RPS6KC1: variants seen among roughly 807,000 people sequenced by gnomAD.
RPS6KC1 encodes inactive ribosomal protein S6 kinase delta-1.
RPS6KC1 carries 54 observed loss-of-function variants against 103.8 expected under a neutral mutation model. The ratio of observed to expected loss-of-function variants is 0.52; its 90% CI spans 0.42 to 0.65. RPS6KC1 has a LOEUF of 0.65. Among genes scored for constraint, RPS6KC1 ranks in the 30% least tolerant of loss-of-function variants. The pLI, the probability that RPS6KC1 is intolerant of heterozygous loss-of-function variation, is 0.00. For missense variants in RPS6KC1, 1,151 were observed against 1,253.8 expected (o/e 0.92, Z 1.24); for synonymous variants, 439 against 438.7 (o/e 1.00, Z -0.01).
chr1:213,496,187 A>G, the RPS6KC1 span, among the ~76,000 whole-genome samples: 5,201 of 152,314 alleles, frequency 0.034, 159 homozygotes, highest in Admixed American at 0.085. Flanking sequence ...ATAAGAAAAC[A>G]AAAGAAAAAG....
the RPS6KC1 span, among the ~76,000 whole-genome samples, chr1:213,375,912 C>T: frequency 2.0e-5 from 3 of 152,244 alleles, no homozygotes; most frequent in African/African-American, 7.2e-5. Context: ...AACTACTAGG[C>T]ATGCTGTCCT....
the RPS6KC1 span, among the ~76,000 whole-genome samples, chr1:213,648,370 C>A: frequency 1.3e-5 from 2 of 152,166 alleles, no homozygotes; most frequent in Non-Finnish European, 2.9e-5. Flanking sequence ...CTAGACCAAC[C>A]ACAGAATCAG....
At chr1:213,117,839 G>A (rs569772615) in intron 5 of RPS6KC1, among the ~76,000 whole-genome samples, 4 of 151,140 alleles carry the variant, frequency 2.6e-5, no homozygotes, top group East Asian at 1.9e-4. Context: ...CCGAGCCAAC[G>A]TGGTGAAACC....
At chr1:213,143,823 C>CTT (rs540171345) in intron 6 of RPS6KC1, among the ~76,000 whole-genome samples, 5 of 136,030 alleles carry the variant, frequency 3.7e-5, no homozygotes, top group South Asian at 4.7e-4. Context: ...TGAGCAGCAC[C>CTT]TTTTTTTTTT....
the RPS6KC1 span, among the ~76,000 whole-genome samples, chr1:213,383,299 C>T: frequency 6.6e-6 from 1 of 152,326 alleles, no homozygotes; most frequent in African/African-American, 2.4e-5. Flanking sequence ...TCCTGAAAGT[C>T]TGAGGTGAGA....
chr1:213,360,746 T>C, the RPS6KC1 span, among the ~76,000 whole-genome samples: 1 of 152,244 alleles, frequency 6.6e-6, no homozygotes, highest in Non-Finnish European at 1.5e-5. Flanking sequence ...GGTGTCGATG[T>C]CCTTTCTGTT....
the RPS6KC1 span, among the ~76,000 whole-genome samples, chr1:213,554,832 C>T: frequency 6.6e-6 from 1 of 152,162 alleles, no homozygotes; most frequent in Non-Finnish European, 1.5e-5. Flanking sequence ...TAGAGTCTAT[C>T]TTTTAATACT....
At chr1:213,278,799 AAGG>A (rs61195209), downstream of RPS6KC1, among the ~76,000 whole-genome samples, 373 of 152,356 alleles carry the variant, frequency 2.4e-3, 1 homozygote, top group Middle Eastern at 0.02. Flanking sequence ...TGAGCATACA[AAGG>A]AGAGATCTGA....
At chr1:213,438,792 CTTTTTT>C in the RPS6KC1 span, among the ~76,000 whole-genome samples, 3 of 129,730 alleles carry the variant, frequency 2.3e-5, no homozygotes, top group African/African-American at 5.6e-5. Context: ...ATCTTGGTTT[CTTTTTT>C]TTTTTTTTTT....
chr1:213,566,531 CTGGG>C, the RPS6KC1 span, among the ~76,000 whole-genome samples: 1 of 111,506 alleles, frequency 9.0e-6, no homozygotes, highest in Non-Finnish European at 1.8e-5. Flanking sequence ...CCTATTAATG[CTGGG>C]TGAAATTTCT....
chr1:213,207,677 T>G (rs944981571), intron 8 of RPS6KC1, among the ~76,000 whole-genome samples: 2 of 152,008 alleles, frequency 1.3e-5, no homozygotes, highest in Non-Finnish European at 2.9e-5. Context: ...ACCTTTTTTT[T>G]TGTTTGTTTG....
intron 5 of RPS6KC1, among the ~76,000 whole-genome samples, chr1:213,124,600 TAATATA>T (rs1306770070): frequency 1.3e-5 from 2 of 152,166 alleles, no homozygotes; most frequent in African/African-American, 4.8e-5. Flanking sequence ...GTTAAGTATA[TAATATA>T]AATAAACTAG....
rs745404182 is a variant in RPS6KC1, at chr1:213,129,632, T to C, written c.578T>C (p.Phe193Ser). Residue 193 changes from phenylalanine (F) to serine (S), a missense_variant, in exon 6 of 15, where the codon TTT (phenylalanine) becomes TCT (serine). Around this residue, in one of 3 missense-constraint regions of RPS6KC1, gnomAD observed 959 missense variants for 1,006.3 expected, o/e 0.95. Coordinates refer to ENST00000366960, the MANE Select transcript of RPS6KC1 (RefSeq NM_012424.6). Reference protein sequence around the residue: ...ASNQNSPIRTFGLNLSSDSSA... With the variant: ...ASNQNSPIRTSGLNLSSDSSA... ...AATCAAAATTCTCCCATTAGAACTT[T>C]TGGTCTCAATCTTTCTTCGGATTCT... 2.5e-6 allele frequency: 4 copies of C among 1,614,052 alleles called. No homozygotes were observed. Among genetic ancestry groups the C allele is most frequent in the Non-Finnish European group, 3.4e-6 (4 of 1,179,968 alleles).
At chr1:213,813,037 G>A in the RPS6KC1 span, among the ~76,000 whole-genome samples, 11 of 152,030 alleles carry the variant, frequency 7.2e-5, no homozygotes, top group Non-Finnish European at 1.5e-4. Context: ...CGGATCACGA[G>A]GTCAAGAGAT....
At chr1:213,732,284 C>A in the RPS6KC1 span, among the ~76,000 whole-genome samples, 1 of 151,994 alleles carries the variant, frequency 6.6e-6, no homozygotes, top group Non-Finnish European at 1.5e-5. Context: ...TGCAGTGAGT[C>A]AAAGTGTGGC....
At chr1:213,561,881 G>A in the RPS6KC1 span, among the ~76,000 whole-genome samples, 1 of 152,176 alleles carries the variant, frequency 6.6e-6, no homozygotes, top group Non-Finnish European at 1.5e-5. Context: ...AATATAAGTC[G>A]AACTTTCCAG....
chr1:213,333,174 T>C, the RPS6KC1 span, among the ~76,000 whole-genome samples: 2 of 152,254 alleles, frequency 1.3e-5, no homozygotes, highest in African/African-American at 4.8e-5. Flanking sequence ...GGCATTTCTC[T>C]TGTGAATAGG....
chr1:213,330,574 C>A, the RPS6KC1 span, among the ~76,000 whole-genome samples: 1 of 152,136 alleles, frequency 6.6e-6, no homozygotes, highest in Non-Finnish European at 1.5e-5. Flanking sequence ...GCAATGCCCC[C>A]ACCCCTTCTT....
At chr1:213,646,440 C>A in the RPS6KC1 span, among the ~76,000 whole-genome samples, 4 of 152,004 alleles carry the variant, frequency 2.6e-5, no homozygotes, top group Admixed American at 2.0e-4. Flanking sequence ...GGGAGAAATG[C>A]CTGGTGAAAT....
Sources: allele counts gnomAD v4.1 joint callset (sites outside exome capture counted in the v4.1 genomes callset), GRCh38; gene constraint gnomAD v4.1.1; regional missense constraint gnomAD v4.1.1; transcripts MANE v1.5; gene names NCBI Gene and HGNC (gene_info 2026-07-23, HGNC 2026-07-21).